The following EDA variants were observed in gnomAD, a reference collection of about 807,000 sequenced individuals.
EDA encodes ectodysplasin-A.
A neutral mutation model predicts 23.6 loss-of-function variants in EDA; 2 were observed. The ratio of observed to expected loss-of-function variants is 0.08; its 90% CI spans 0.03 to 0.27. The LOEUF (loss-of-function observed/expected upper bound fraction) is 0.27. Ranked by LOEUF, EDA falls within the 10% of genes least tolerant of loss-of-function variation. The pLI, the probability that EDA is intolerant of heterozygous loss-of-function variation, is 1.00. For synonymous variants in EDA, 131 were observed against 132.0 expected (o/e 0.99, Z 0.05); for missense variants, 229 against 324.2 (o/e 0.71, Z 2.26).
intron 1 of EDA, among the ~76,000 whole-genome samples, chrX:69,714,024 A>G (rs1403895364): frequency 2.7e-5 from 3 of 110,033 alleles, no homozygotes; most frequent in African/African-American, 9.9e-5. Context: ...TGGCAGTACT[A>G]TTTTACATTC....
At chrX:69,810,788 C>T (rs1418092027) in intron 1 of EDA, among the ~76,000 whole-genome samples, 1 of 108,984 alleles carries the variant, frequency 9.2e-6, no homozygotes, top group Non-Finnish European at 1.9e-5. Flanking sequence ...ACCTGGGCTT[C>T]GGTGAGATTT....
Position 70,027,838 on chromosome X carries a change from A to G in EDA, c.527-19A>G, listed in dbSNP as rs1444466123. 1.7e-5 allele frequency: 12 copies of G among 721,137 alleles called. No homozygotes were observed. Among genetic ancestry groups the G allele is most frequent in the Non-Finnish European group, 2.3e-5 (11 of 468,525 alleles). The allele number at this position is 721,137 out of a possible 1,213,427, so 59.4% of individuals were successfully genotyped here. A position where few individuals can be genotyped will look rare whatever the true frequency, so the allele number is the denominator to read the frequency against. On this transcript the variant is annotated intron_variant, in intron 3 of 7. Coordinates refer to ENST00000374552, the MANE Select transcript of EDA (RefSeq NM_001399.5). ...ACTCCGTCTCAAAAAAAAAAGTAACACTGAATCCTATTTTTCAGGAAAGAA... is the reference window on the plus strand; with the variant it reads ...ACTCCGTCTCAAAAAAAAAAGTAACGCTGAATCCTATTTTTCAGGAAAGAA...
At chrX:69,732,328 C>T (rs920558555) in intron 1 of EDA, among the ~76,000 whole-genome samples, 6 of 111,629 alleles carry the variant, frequency 5.4e-5, no homozygotes, top group African/African-American at 2.0e-4. Flanking sequence ...TCAATTCCCA[C>T]CTATGAGTGA....
Position 69,957,076 on chromosome X carries a change from A to G in EDA, c.446A>G (p.Glu149Gly). Residue 149 changes from glutamate (E) to glycine (G), a missense_variant, in exon 2 of 8, where the codon GAA becomes GGA. Physicochemically the swap from Glu to Gly is moderately conservative, Grantham distance 98. This residue lies in a region of EDA where 175 missense variants were observed against 281.8 expected (regional missense o/e 0.62). Transcript: ENST00000374552. Reference protein sequence around the residue: ...FFPDEKPYSEEESRRVRRNKR... With the variant: ...FFPDEKPYSEGESRRVRRNKR... ...CCTGATGAAAAGCCATACTCTGAAG[A>G]AGAAAGTAGGCGTGTTCGCCGCAAT... 2 of 1,212,003 alleles carry G rather than the reference A, an allele frequency of 1.7e-6. No homozygotes were observed. The highest frequency in any genetic ancestry group is 2.2e-6 in the Non-Finnish European group (2 of 895,490).
intron 1 of EDA, among the ~76,000 whole-genome samples, chrX:69,644,129 C>A (rs1349883762): frequency 9.3e-6 from 1 of 107,218 alleles, no homozygotes; most frequent in Admixed American, 1.0e-4. Flanking sequence ...TTTTTTTTTT[C>A]TAATTTTGTG....
At chrX:69,822,634 T>C (rs2016259213) in intron 1 of EDA, among the ~76,000 whole-genome samples, 1 of 112,027 alleles carries the variant, frequency 8.9e-6, no homozygotes, top group African/African-American at 3.2e-5. Context: ...TGGAATATAT[T>C]GTGTGGAAGA....
chrX:69,703,966 A>T (rs991286975), intron 1 of EDA, among the ~76,000 whole-genome samples: 3 of 112,407 alleles, frequency 2.7e-5, no homozygotes, highest in Non-Finnish European at 1.9e-5. Flanking sequence ...GTATGTATAG[A>T]TAACAACATA....
chrX:69,935,891 CTA>C (rs916953331), intron 1 of EDA, among the ~76,000 whole-genome samples: 16 of 109,023 alleles, frequency 1.5e-4, no homozygotes, highest in Admixed American at 1.4e-3. Context: ...CTCTCTCTCT[CTA>C]TATGACAATA....
At chrX:69,696,005 C>T (rs1342693673) in intron 1 of EDA, among the ~76,000 whole-genome samples, 2 of 109,799 alleles carry the variant, frequency 1.8e-5, no homozygotes, top group African/African-American at 6.6e-5. Flanking sequence ...TTTGGGAGGC[C>T]GAGGTGGGTG....
chrX:69,655,759 A>AATCTATATATATATCTATATATATAT (rs1555977644), intron 1 of EDA, among the ~76,000 whole-genome samples: 4 of 39,333 alleles, frequency 1.0e-4, no homozygotes, highest in African/African-American at 5.3e-4. Flanking sequence ...ACATCATTAG[A>AATCTATATATATATCTATATATATAT]ATCTATATAT....
At chrX:70,012,479 G>A (rs1209321647) in intron 2 of EDA, among the ~76,000 whole-genome samples, 5 of 111,927 alleles carry the variant, frequency 4.5e-5, no homozygotes, top group Admixed American at 1.9e-4. Context: ...TTAAAGGTCC[G>A]TGTTGAAAAT....
chrX:69,857,585 AATG>A (rs909026085), intron 1 of EDA, among the ~76,000 whole-genome samples: 2 of 109,031 alleles, frequency 1.8e-5, no homozygotes, highest in African/African-American at 3.4e-5. Context: ...TTCTGTGAAA[AATG>A]ATGAAGGTAT....
chrX:69,832,913 T>C (rs1391661536), intron 1 of EDA, among the ~76,000 whole-genome samples: 2 of 112,134 alleles, frequency 1.8e-5, no homozygotes, highest in Non-Finnish European at 3.8e-5. Context: ...TTGCTGAAGT[T>C]GCTTATCAGC....
At chrX:69,809,666 T>C (rs1355116110) in intron 1 of EDA, among the ~76,000 whole-genome samples, 1 of 111,554 alleles carries the variant, frequency 9.0e-6, no homozygotes, top group Non-Finnish European at 1.9e-5. Flanking sequence ...TGTTTAAAAA[T>C]TTAATGTGAT....
chrX:69,754,584 A>G (rs958622199), intron 1 of EDA, among the ~76,000 whole-genome samples: 5 of 110,997 alleles, frequency 4.5e-5, no homozygotes, highest in Admixed American at 2.9e-4. Context: ...TGTTCTCTGT[A>G]TTTCCTGAAT....
chrX:69,860,982 G>C (rs762848013), intron 1 of EDA: 239 of 509,459 alleles, frequency 4.7e-4, no homozygotes, highest in Non-Finnish European at 7.4e-4. Context: ...CATCTAGTCA[G>C]CCATCTTCAA....
chrX:69,994,096 A>T (rs1054541013), intron 2 of EDA, among the ~76,000 whole-genome samples: 2 of 111,252 alleles, frequency 1.8e-5, no homozygotes, highest in African/African-American at 6.5e-5. Flanking sequence ...CCTCCTTTGA[A>T]CTCGGTGCTC....
chrX:69,853,460 G>A (rs1318597586), intron 1 of EDA, among the ~76,000 whole-genome samples: 7 of 111,016 alleles, frequency 6.3e-5, no homozygotes, highest in Admixed American at 9.6e-5. Flanking sequence ...ATAAAATGGG[G>A]GAAAGGCAAT....
chrX:69,661,923 A>G (rs970632006), intron 1 of EDA, among the ~76,000 whole-genome samples: 2 of 111,987 alleles, frequency 1.8e-5, no homozygotes, highest in African/African-American at 6.5e-5. Flanking sequence ...AGTGAAACAA[A>G]CTAATGTATC....
Sources: allele counts gnomAD v4.1 joint callset (sites outside exome capture counted in the v4.1 genomes callset), GRCh38; gene constraint gnomAD v4.1.1; regional missense constraint gnomAD v4.1.1; transcripts MANE v1.5; gene names NCBI Gene and HGNC (gene_info 2026-07-23, HGNC 2026-07-21).